The following IL1RAPL1 variants were observed in gnomAD, a reference collection of about 807,000 sequenced individuals.
IL1RAPL1 encodes interleukin 1 receptor accessory protein like 1.
In IL1RAPL1, 3 loss-of-function variants were observed where a neutral mutation model predicts 48.4. That is an observed-to-expected ratio of 0.06 (90% CI 0.03 to 0.16). The LOEUF is 0.16. Ranked by LOEUF, IL1RAPL1 falls within the 10% of genes least tolerant of loss-of-function variation. The pLI, the probability that IL1RAPL1 is intolerant of heterozygous loss-of-function variation, is 1.00. For missense variants in IL1RAPL1, 349 were observed against 530.6 expected (o/e 0.66, Z 3.36); for synonymous variants, 185 against 187.7 (o/e 0.99, Z 0.12).
At chrX:28,963,573 C>T (rs1206945661) in intron 2 of IL1RAPL1, among the ~76,000 whole-genome samples, 7 of 110,927 alleles carry the variant, frequency 6.3e-5, no homozygotes, top group African/African-American at 2.0e-4. Context: ...TTAATCAATG[C>T]GATGTCTAGG....
intron 6 of IL1RAPL1, among the ~76,000 whole-genome samples, chrX:29,813,439 T>G (rs2147178974): frequency 9.0e-6 from 1 of 111,630 alleles, no homozygotes; most frequent in East Asian, 2.8e-4. Context: ...TGAAACAAAG[T>G]AAGAGAATCT....
chrX:29,440,014 TG>T (rs1419460589), intron 5 of IL1RAPL1, among the ~76,000 whole-genome samples: 367 of 107,817 alleles, frequency 3.4e-3, no homozygotes, highest in African/African-American at 0.012. Context: ...TGTGTGTGTG[TG>T]TGTGTGTGTG....
rs1934681496 is a variant in IL1RAPL1 at position 28,651,444 on chromosome X, A to G, written c.-25+63397A>G. ...AATGACTATATGATTCACAAAGCCTACAATTTTTACTACCTAGTCCTTTAC... is the reference window on the plus strand; with the variant it reads ...AATGACTATATGATTCACAAAGCCTGCAATTTTTACTACCTAGTCCTTTAC... On this transcript the variant is annotated intron_variant, in intron 1 of 10. Transcript: ENST00000378993. Among the ~76,000 whole-genome samples, 5 of 112,262 alleles carry G rather than the reference A, an allele frequency of 4.5e-5. No homozygotes were observed. The South Asian group carries it at 1.1e-3, about 25-fold the overall frequency.
chrX:29,670,620 A>G (rs963631160), intron 6 of IL1RAPL1, among the ~76,000 whole-genome samples: 1 of 112,219 alleles, frequency 8.9e-6, no homozygotes. Flanking sequence ...AAGTAGGTGA[A>G]TCAAAAAGGG....
At chrX:28,610,221 C>G (rs1023616001) in intron 1 of IL1RAPL1, among the ~76,000 whole-genome samples, 2 of 112,027 alleles carry the variant, frequency 1.8e-5, no homozygotes, top group African/African-American at 6.5e-5. Flanking sequence ...TTCACCATGT[C>G]TGGGTTTTTT....
rs1935312758 is a variant in IL1RAPL1, at chrX:29,505,006, GTTT to G, written c.703+105701_703+105703del. ...TTTCTTTTCGGTGAATGTATTATTG[GTTT>G]TTGCTTTATAGTTACTATGAGGCTT... On this transcript the variant is annotated intron_variant, in intron 5 of 10. Transcript: ENST00000378993. 1.8e-5 allele frequency among the ~76,000 whole-genome samples: 2 copies of G among 110,645 alleles called. 1 individual carries two copies. The highest frequency in any genetic ancestry group is 7.6e-4 in the South Asian group (2 of 2,640).
chrX:28,815,461 C>T (rs1936852617), intron 2 of IL1RAPL1, among the ~76,000 whole-genome samples: 1 of 109,793 alleles, frequency 9.1e-6, no homozygotes, highest in South Asian at 3.8e-4. Flanking sequence ...ACAGTAGGAA[C>T]ATTAGCATTA....
At chrX:29,835,452 G>C (rs1336109150) in intron 6 of IL1RAPL1, among the ~76,000 whole-genome samples, 3 of 112,132 alleles carry the variant, frequency 2.7e-5, no homozygotes, top group African/African-American at 6.5e-5. Context: ...GTTTCTTGAA[G>C]ATAATTGCGT....
At chrX:29,642,641 G>A (rs761705643) in intron 5 of IL1RAPL1, among the ~76,000 whole-genome samples, 9 of 112,645 alleles carry the variant, frequency 8.0e-5, no homozygotes, top group Non-Finnish European at 1.3e-4. Flanking sequence ...GCACATGACT[G>A]TACTCCACAT....
intron 1 of IL1RAPL1, among the ~76,000 whole-genome samples, chrX:28,643,653 A>ATT (rs1275081605): frequency 2.9e-3 from 322 of 111,964 alleles, no homozygotes; most frequent in African/African-American, 9.3e-3. Context: ...AACTTAATTA[A>ATT]AAGTAGCTAA....
At chrX:29,904,707 C>CT (rs1356673370) in intron 6 of IL1RAPL1, among the ~76,000 whole-genome samples, 1 of 111,700 alleles carries the variant, frequency 9.0e-6, no homozygotes, top group Non-Finnish European at 1.9e-5. Context: ...GATCTCATTC[C>CT]TTTTTTATGG....
intron 5 of IL1RAPL1, among the ~76,000 whole-genome samples, chrX:29,461,212 A>T (rs928034345): frequency 8.9e-6 from 1 of 111,758 alleles, no homozygotes; most frequent in Non-Finnish European, 1.9e-5. Flanking sequence ...GGAAATGCAA[A>T]TTAAAACCAC....
chrX:29,879,630 T>C (rs1288294577), intron 6 of IL1RAPL1, among the ~76,000 whole-genome samples: 5 of 109,928 alleles, frequency 4.5e-5, no homozygotes, highest in Non-Finnish European at 9.5e-5. Flanking sequence ...AAAATAAGAA[T>C]CTATTTCTTT....
At position 29,265,316 on chromosome X, in the gene IL1RAPL1, G is replaced by T. The variant is rs961786754; in HGVS notation, c.83-17622G>T. Among the ~76,000 whole-genome samples, 5 of 109,736 alleles carry T rather than the reference G, an allele frequency of 4.6e-5. 1 individual carries two copies. Among genetic ancestry groups the T allele is most frequent in the Admixed American group, 2.9e-4 (3 of 10,242 alleles). ...ATATAATATGAATTATGAATATTAT[G>T]AATATAATATGAATGGCATTGTTGT... is the stretch of plus-strand genomic sequence containing the variant. On this transcript the variant is annotated intron_variant, in intron 2 of 10. Coordinates refer to ENST00000378993, the MANE Select transcript of IL1RAPL1 (RefSeq NM_014271.4).
At chrX:29,463,613 A>C (rs1037053333) in intron 5 of IL1RAPL1, among the ~76,000 whole-genome samples, 1 of 112,031 alleles carries the variant, frequency 8.9e-6, no homozygotes, top group Admixed American at 9.5e-5. Flanking sequence ...ATAAAAATTT[A>C]ATGGAATGTG....
At chrX:28,963,484 A>T in intron 2 of IL1RAPL1, among the ~76,000 whole-genome samples, 1 of 111,416 alleles carries the variant, frequency 9.0e-6, no homozygotes, top group South Asian at 3.8e-4. Context: ...CATAGAAATT[A>T]ATAAATATAT....
intron 3 of IL1RAPL1, among the ~76,000 whole-genome samples, chrX:29,329,809 G>A (rs1405281454): frequency 3.1e-5 from 3 of 97,412 alleles, no homozygotes; most frequent in Admixed American, 1.1e-4. Flanking sequence ...ATGAAACTCC[G>A]TCTTAAAAAA....
intron 2 of IL1RAPL1, among the ~76,000 whole-genome samples, chrX:29,207,600 A>C (rs1367016234): frequency 8.9e-6 from 1 of 112,007 alleles, no homozygotes; most frequent in East Asian, 2.8e-4. Flanking sequence ...GTGGTTTCTC[A>C]AGAGAACCAT....
chrX:29,954,406 G>A (rs969249758), intron 9 of IL1RAPL1, 116 bp from the exon 10 acceptor site: 26 of 567,395 alleles, frequency 4.6e-5, no homozygotes, highest in Non-Finnish European at 6.2e-5. Flanking sequence ...TTCATTTTTC[G>A]GTCTTTCAGA....
Sources: allele counts gnomAD v4.1 joint callset (sites outside exome capture counted in the v4.1 genomes callset), GRCh38; gene constraint gnomAD v4.1.1; transcripts MANE v1.5; gene names NCBI Gene and HGNC (gene_info 2026-07-23, HGNC 2026-07-21).